CDH4: variants seen among roughly 807,000 people sequenced by gnomAD.
CDH4 encodes cadherin-4.
Under a neutral mutation model 86.0 loss-of-function variants are expected in CDH4, and 33 were observed. That is an observed-to-expected ratio of 0.38 (90% CI 0.29 to 0.51). The LOEUF is 0.51. Among genes scored for constraint, CDH4 ranks in the 20% least tolerant of loss-of-function variants. The probability of loss-of-function intolerance (pLI) is 0.86; values close to 1 mark genes in which losing one functional copy is unlikely to be tolerated. For missense variants in CDH4, 1,114 were observed against 1,307.4 expected (o/e 0.85, Z 2.28); for synonymous variants, 555 against 549.4 (o/e 1.01, Z -0.14).
intron 2 of CDH4, chr20:61,719,552 T>G (rs1054731677): frequency 1.5e-5 from 3 of 195,724 alleles, no homozygotes; most frequent in African/African-American, 7.0e-5. Context: ...TTCCTCTGTA[T>G]AATTGCCGCT....
intron 2 of CDH4, among the ~76,000 whole-genome samples, chr20:61,492,281 T>C (rs2085631848): frequency 1.3e-5 from 2 of 151,796 alleles, no homozygotes; most frequent in African/African-American, 4.8e-5. Context: ...TTGTTGATGT[T>C]GGTGGTGTTG....
intron 2 of CDH4, among the ~76,000 whole-genome samples, chr20:61,466,677 C>T (rs968969575): frequency 6.6e-6 from 1 of 152,022 alleles, no homozygotes; most frequent in Non-Finnish European, 1.5e-5. Context: ...AACTCTGCCC[C>T]TACCTATACA....
intron 2 of CDH4, among the ~76,000 whole-genome samples, chr20:61,333,955 G>A (rs887699925): frequency 3.3e-5 from 5 of 152,196 alleles, no homozygotes; most frequent in African/African-American, 1.2e-4. Context: ...GGTCGGTGAG[G>A]GCGGGAGAGA....
At chr20:61,448,012 C>A (rs2085361475) in intron 2 of CDH4, among the ~76,000 whole-genome samples, 1 of 152,226 alleles carries the variant, frequency 6.6e-6, no homozygotes, top group East Asian at 1.9e-4. Flanking sequence ...CTGCCACCAG[C>A]ATCCTGTTTG....
At chr20:61,804,059 C>G (rs1479353097) in intron 4 of CDH4, among the ~76,000 whole-genome samples, 2 of 152,274 alleles carry the variant, frequency 1.3e-5, no homozygotes, top group Non-Finnish European at 2.9e-5. Context: ...GGCGCCTGCT[C>G]TCCACACGAG....
intron 2 of CDH4, among the ~76,000 whole-genome samples, chr20:61,641,331 C>T (rs2087006725): frequency 2.0e-5 from 3 of 152,114 alleles, no homozygotes; most frequent in Admixed American, 2.0e-4. Context: ...TCCAAGGGAG[C>T]TCAGCAGGGT....
chr20:61,888,841 T>C (rs1984660680), intron 7 of CDH4, among the ~76,000 whole-genome samples: 1 of 152,210 alleles, frequency 6.6e-6, no homozygotes, highest in African/African-American at 2.4e-5. Context: ...TGGTCAGCTG[T>C]GTAGAACTGG....
rs182131455 is a variant in CDH4 at position 61,366,046 on chromosome 20, T to G, written c.169+111109T>G. 4.5e-3 allele frequency among the ~76,000 whole-genome samples: 682 copies of G among 152,166 alleles called. 17 individuals are homozygous for G. The South Asian group carries it at 0.073, about 16-fold the overall frequency. On this transcript the variant is annotated intron_variant, in intron 2 of 15. Coordinates refer to ENST00000614565, the MANE Select transcript of CDH4 (RefSeq NM_001794.5). ...CCAAGTTTTGGGGATGTGATAATGG[T>G]TTTCAGGCAGCTCATGGCTTCCCCA...
In CDH4 at chr20:61,848,628, C is replaced by T. The variant is rs191401731; in HGVS notation, c.732+3805C>T. On this transcript the variant is annotated intron_variant, in intron 5 of 15. Transcript: ENST00000614565. ...GCAACCTCCGCCTCACAGGTTCAAG[C>T]GATTCTCCTGCCTCAGCCTCCCAGG... Among the ~76,000 whole-genome samples, 355 of 152,264 alleles carry T rather than the reference C, an allele frequency of 2.3e-3. 15 individuals are homozygous for T. Among genetic ancestry groups the T allele is most frequent in the Admixed American group, 0.021 (328 of 15,286 alleles).
chr20:61,518,976 C>CCTTCACCCATCCATT lies in CDH4; in HGVS notation c.170-224586_170-224585insTTCACCCATCCATTC, dbSNP rs2085847814. On this transcript the variant is annotated intron_variant, in intron 2 of 15. Coordinates refer to ENST00000614565, the MANE Select transcript of CDH4 (RefSeq NM_001794.5). The surrounding 1 kb of genome is among the most constrained non-coding windows in gnomAD (Gnocchi z 6.3). ...ATCCATCCATTATTTATCCATCCAT[C>CCTTCACCCATCCATT]CATCCTTCATCCATCCATTCATCCA... Among the ~76,000 whole-genome samples the CCTTCACCCATCCATT allele has an allele frequency of 9.6e-5, 12 of 125,574 alleles. No homozygotes were observed. In the South Asian group the frequency reaches 2.8e-3, roughly 29 times the overall value. 82.4% of individuals were successfully genotyped at this position (125,574 alleles called of 152,430 possible).
intron 2 of CDH4, among the ~76,000 whole-genome samples, chr20:61,585,937 T>TG (rs1224717711): frequency 6.7e-6 from 1 of 148,840 alleles, no homozygotes; most frequent in East Asian, 2.0e-4. Flanking sequence ...GTGATGGTGA[T>TG]GAGGTGGTGA....
At chr20:61,374,918 A>C (rs1313010003) in intron 2 of CDH4, among the ~76,000 whole-genome samples, 1 of 152,228 alleles carries the variant, frequency 6.6e-6, no homozygotes, top group African/African-American at 2.4e-5. Context: ...CTCCTATTGC[A>C]ACCCAGACAT....
intron 2 of CDH4, among the ~76,000 whole-genome samples, chr20:61,625,479 A>T (rs563306762): frequency 6.6e-6 from 1 of 152,230 alleles, no homozygotes; most frequent in Admixed American, 6.5e-5. Context: ...CGCATGTGGG[A>T]GTCGGAAGCA....
At chr20:61,344,509 G>A (rs764961680) in intron 2 of CDH4, among the ~76,000 whole-genome samples, 2 of 152,180 alleles carry the variant, frequency 1.3e-5, no homozygotes, top group Non-Finnish European at 2.9e-5. Context: ...TATTGAAGTT[G>A]TGTCTGTTCT....
At chr20:61,935,394 G>A (rs997199892) in intron 15 of CDH4, among the ~76,000 whole-genome samples, 4 of 152,220 alleles carry the variant, frequency 2.6e-5, no homozygotes, top group South Asian at 2.1e-4. Context: ...GACGCTTACC[G>A]TCTATGACAT....
intron 2 of CDH4, among the ~76,000 whole-genome samples, chr20:61,659,481 G>C (rs2087227818): frequency 6.6e-6 from 1 of 152,216 alleles, no homozygotes; most frequent in Admixed American, 6.5e-5. Flanking sequence ...CTGCTTCCTG[G>C]AGCTCTGGCC....
At chr20:61,899,634 A>G (rs532419554) in intron 8 of CDH4, among the ~76,000 whole-genome samples, 21 of 152,260 alleles carry the variant, frequency 1.4e-4, no homozygotes, top group Non-Finnish European at 2.6e-4. Flanking sequence ...TCACTGTGTT[A>G]GCCAGGATGG....
chr20:61,876,500 T>C (rs1984030767), intron 7 of CDH4, among the ~76,000 whole-genome samples: 1 of 152,102 alleles, frequency 6.6e-6, no homozygotes, highest in Admixed American at 6.5e-5. Context: ...TTTCACGGGA[T>C]TGGGTGCCTG....
intron 2 of CDH4, among the ~76,000 whole-genome samples, chr20:61,317,176 A>G (rs1279511308): frequency 1.3e-5 from 2 of 152,120 alleles, no homozygotes; most frequent in African/African-American, 4.8e-5. Flanking sequence ...GAGGAGATCA[A>G]GACCATCCTG....
Sources: allele counts gnomAD v4.1 joint callset (sites outside exome capture counted in the v4.1 genomes callset), GRCh38; gene constraint gnomAD v4.1.1; non-coding constraint Gnocchi (gnomAD v3.1); transcripts MANE v1.5; gene names NCBI Gene and HGNC (gene_info 2026-07-23, HGNC 2026-07-21).